Variants in SOX5 observed in about 807,000 individuals in gnomAD.
SOX5 encodes the protein transcription factor SOX-5.
SOX5 carries 9 observed loss-of-function variants against 92.0 expected under a neutral mutation model. That is an observed-to-expected ratio of 0.10 (90% CI 0.06 to 0.17). SOX5 has a LOEUF of 0.17. SOX5 is among the 10% of genes least tolerant of loss of function. The probability of loss-of-function intolerance (pLI) is 1.00; values close to 1 mark genes in which losing one functional copy is unlikely to be tolerated. For missense variants in SOX5, 642 were observed against 944.5 expected, an observed-to-expected ratio of 0.68 and a Z score of 4.20; for synonymous variants, 344 against 336.3, an observed-to-expected ratio of 1.02 and a Z score of -0.25.
intron 1 of SOX5, among the ~76,000 whole-genome samples, chr12:24,505,780 C>A (rs1484054406): frequency 6.6e-6 from 1 of 152,010 alleles, no homozygotes; most frequent in Non-Finnish European, 1.5e-5. Context: ...TGTCATGCTT[C>A]CTTGCTTAGG....
At chr12:23,562,673 TTG>T (rs1565839165) in intron 11 of SOX5, among the ~76,000 whole-genome samples, 1 of 152,122 alleles carries the variant, frequency 6.6e-6, no homozygotes, top group Non-Finnish European at 1.5e-5. Flanking sequence ...CTTGAAATCA[TTG>T]TCTCTCAGAC....
chr12:24,459,874 T>C (rs1015893366), intron 1 of SOX5, among the ~76,000 whole-genome samples: 1 of 152,228 alleles, frequency 6.6e-6, no homozygotes, highest in Non-Finnish European at 1.5e-5. Flanking sequence ...TTAAGACATA[T>C]TAATTTTTAG....
intron 8 of SOX5, among the ~76,000 whole-genome samples, chr12:23,612,790 A>C (rs2076122129): frequency 6.6e-6 from 1 of 152,152 alleles, no homozygotes; most frequent in Non-Finnish European, 1.5e-5. Context: ...TCCTGTTTTT[A>C]AGAGGAGGAA....
chr12:23,850,762 C>A (rs2096624788), intron 2 of SOX5, among the ~76,000 whole-genome samples: 1 of 151,984 alleles, frequency 6.6e-6, no homozygotes, highest in Non-Finnish European at 1.5e-5. Context: ...AAACCCTAAA[C>A]CACACTTACT....
chr12:23,797,240 G>C (rs2142072712), intron 3 of SOX5, among the ~76,000 whole-genome samples: 1 of 152,060 alleles, frequency 6.6e-6, no homozygotes, highest in South Asian at 2.1e-4. Context: ...CAGATTAACA[G>C]AGATACTTAA....
At position 23,822,998 on chromosome 12, in the gene SOX5, C is replaced by T. The variant is rs113895728; in HGVS notation, c.481+22985G>A. 1.7e-3 allele frequency among the ~76,000 whole-genome samples: 259 copies of T among 152,220 alleles called. 1 individual carries two copies. The highest frequency in any genetic ancestry group is 6.9e-3 in the East Asian group (36 of 5,180). ...TCTTCCTCCATCCCATTATTCTGAG[C>T]CTATGTGTGTCTTTGCACATGAGGT... On this transcript the variant is annotated intron_variant, in intron 3 of 14. Coordinates refer to ENST00000451604, the MANE Select transcript of SOX5 (RefSeq NM_006940.6).
intron 4 of SOX5, among the ~76,000 whole-genome samples, chr12:24,107,685 A>G (rs1368822244): frequency 1.3e-5 from 2 of 152,218 alleles, no homozygotes; most frequent in East Asian, 3.8e-4. Flanking sequence ...AAGAGGATGA[A>G]GACCTTGATA....
intron 10 of SOX5, among the ~76,000 whole-genome samples, chr12:23,572,604 T>C (rs1243132123): frequency 6.6e-6 from 1 of 152,160 alleles, no homozygotes; most frequent in Non-Finnish European, 1.5e-5. Flanking sequence ...TAAAAACATA[T>C]TAGTTATTCT....
intron 4 of SOX5, among the ~76,000 whole-genome samples, chr12:24,068,835 A>G (rs1249796028): frequency 6.7e-6 from 1 of 149,960 alleles, no homozygotes; most frequent in Non-Finnish European, 1.5e-5. Flanking sequence ...AAAGATGCAG[A>G]AGGGCTGGAC....
intron 1 of SOX5, among the ~76,000 whole-genome samples, chr12:24,558,639 T>G (rs945148068): frequency 1.3e-5 from 2 of 152,190 alleles, no homozygotes; most frequent in Non-Finnish European, 2.9e-5. Context: ...TTTACTCCTT[T>G]ATTAATGGCA....
chr12:24,487,789 C>A (rs1946664653), intron 1 of SOX5, among the ~76,000 whole-genome samples: 1 of 152,116 alleles, frequency 6.6e-6, no homozygotes, highest in African/African-American at 2.4e-5. Context: ...ACTAAAGACC[C>A]AGCTGCCAGA....
intron 2 of SOX5, among the ~76,000 whole-genome samples, chr12:23,863,603 C>T (rs927092374): frequency 6.6e-6 from 1 of 152,010 alleles, no homozygotes; most frequent in Non-Finnish European, 1.5e-5. Flanking sequence ...TGTTTTATCC[C>T]TATATATGTC....
At chr12:24,272,759 C>A (rs1418664078) in intron 3 of SOX5, among the ~76,000 whole-genome samples, 1 of 152,012 alleles carries the variant, frequency 6.6e-6, no homozygotes, top group East Asian at 1.9e-4. Context: ...TTATATATTG[C>A]CAAATTTGAA....
At chr12:23,664,093 C>A (rs1471574793) in intron 7 of SOX5, among the ~76,000 whole-genome samples, 4 of 152,070 alleles carry the variant, frequency 2.6e-5, no homozygotes, top group South Asian at 2.1e-4. Flanking sequence ...TTGCAATCTT[C>A]TAATCTCAAA....
intron 4 of SOX5, among the ~76,000 whole-genome samples, chr12:23,750,758 C>T (rs1048885992): frequency 6.6e-5 from 10 of 151,716 alleles, no homozygotes; most frequent in Non-Finnish European, 1.3e-4. Context: ...ATGTTTAAAA[C>T]ACACATTATT....
intron 4 of SOX5, among the ~76,000 whole-genome samples, chr12:24,042,501 G>C (rs948547725): frequency 2.0e-5 from 3 of 152,064 alleles, no homozygotes; most frequent in South Asian, 4.1e-4. Context: ...CTATTCTGAA[G>C]TGTGACTGAC....
At chr12:24,497,731 T>C (rs968394890) in intron 1 of SOX5, among the ~76,000 whole-genome samples, 1 of 152,282 alleles carries the variant, frequency 6.6e-6, no homozygotes, top group Non-Finnish European at 1.5e-5. Context: ...ATCATTCTCT[T>C]ATAAAGATAC....
rs1944091258 is a variant in SOX5, at chr12:24,087,123, T to C, written c.-2+126220A>G. Among the ~76,000 whole-genome samples the C allele has an allele frequency of 1.3e-5, 2 of 152,078 alleles. 1 individual carries two copies. Among genetic ancestry groups the C allele is most frequent in the South Asian group, 4.1e-4 (2 of 4,834 alleles). On this transcript the variant is annotated intron_variant, in intron 4 of 4. Transcript: ENST00000446891. The stretch of plus-strand genomic sequence containing the variant: ...TTGGACACTGCCCAGACAGTTACAG[T>C]ACAACCACATGCTTTAAGAATTATC...
chr12:23,720,136 C>G (rs886975202), intron 6 of SOX5, among the ~76,000 whole-genome samples: 1 of 152,106 alleles, frequency 6.6e-6, no homozygotes, highest in East Asian at 1.9e-4. Flanking sequence ...CTTTCCTGTT[C>G]TCTTATGTGA....
Sources: allele counts gnomAD v4.1 joint callset (sites outside exome capture counted in the v4.1 genomes callset), GRCh38; gene constraint gnomAD v4.1.1; transcripts MANE v1.5; gene names NCBI Gene and HGNC (gene_info 2026-07-23, HGNC 2026-07-21).